LAMA4: variants seen among roughly 807,000 people sequenced by gnomAD.
LAMA4 encodes the protein laminin subunit alpha 4.
A neutral mutation model predicts 207.1 loss-of-function variants in LAMA4; 127 were observed. The ratio of observed to expected loss-of-function variants is 0.61; its 90% CI spans 0.53 to 0.71. The LOEUF (loss-of-function observed/expected upper bound fraction) is 0.71, where lower values mean the gene tolerates loss of function less well. LAMA4 is among the 30% of genes least tolerant of loss of function. The probability of loss-of-function intolerance (pLI) is 0.00; values close to 1 mark genes in which losing one functional copy is unlikely to be tolerated. For missense variants in LAMA4, 2,093 were observed against 2,246.5 expected, an observed-to-expected ratio of 0.93 and a Z score of 1.38; for synonymous variants, 761 against 816.0, an observed-to-expected ratio of 0.93 and a Z score of 1.15.
At chr6:112,218,593 C>T (rs1316030590) in intron 2 of LAMA4, 3 of 152,212 alleles carry the variant, frequency 2.0e-5, no homozygotes, top group African/African-American at 7.2e-5. Context: ...TCTTTGTCAA[C>T]AGTCCAGCAG....
chr6:112,110,961 T>C (rs1777655511), intron 38 of LAMA4, among the ~76,000 whole-genome samples: 1 of 152,254 alleles, frequency 6.6e-6, no homozygotes, highest in African/African-American at 2.4e-5. Context: ...CTTGACTATA[T>C]ACAAATAATG....
intron 27 of LAMA4, 45 bp downstream of exon 27, chr6:112,133,304 T>G: frequency 7.5e-6 from 12 of 1,603,982 alleles, no homozygotes; most frequent in Non-Finnish European, 1.0e-5. Flanking sequence ...TTGAGAGTGA[T>G]AAGTATTGTG....
chr6:112,177,345 G>A (rs1300519407), intron 10 of LAMA4, among the ~76,000 whole-genome samples: 1 of 152,026 alleles, frequency 6.6e-6, no homozygotes, highest in Non-Finnish European at 1.5e-5. Context: ...CTGTGCCCTG[G>A]GATGCACTTG....
chr6:112,116,007 C>T lies in LAMA4; in HGVS notation c.4982-14G>A, dbSNP rs1554323677. ...TGAAAGATTCATCTGTGGAGAGAAA[C>T]ACTATAAACTCCCAAGAACAGCAAG... is the stretch of plus-strand genomic sequence containing the variant. On this transcript the variant is annotated splice_polypyrimidine_tract_variant and intron_variant, in intron 35 of 38. Transcript: ENST00000230538. 1.2e-6 allele frequency: 2 copies of T among 1,609,844 alleles called. No individual in the cohort carries two copies. Among genetic ancestry groups the T allele is most frequent in the Non-Finnish European group, 8.5e-7 (1 of 1,176,890 alleles).
At chr6:112,200,080 A>G (rs1357645593) in intron 5 of LAMA4, 1 of 530,748 alleles carries the variant, frequency 1.9e-6, no homozygotes, top group Non-Finnish European at 3.9e-6. Flanking sequence ...AAGCCATTTT[A>G]TCTTACAACA....
chr6:112,165,010 G>A (rs530390936), intron 13 of LAMA4, 150 bp downstream of exon 13: 43 of 699,030 alleles, frequency 6.2e-5, no homozygotes, highest in East Asian at 2.1e-4. Flanking sequence ...GGTGGTCATC[G>A]TACAGTGCAA....
In LAMA4 at chr6:112,111,996, G is replaced by A. The variant is rs587764298; in HGVS notation, c.5326+2080C>T. Among the ~76,000 whole-genome samples, 3 of 152,292 alleles carry A rather than the reference G, an allele frequency of 2.0e-5. No individual in the cohort carries two copies. In the South Asian group the frequency reaches 6.2e-4, roughly 32 times the overall value. On this transcript the variant is annotated intron_variant, in intron 38 of 38. Transcript: ENST00000230538. ...AATACTCCAACTTCCATGAGGGAGG[G>A]CCATGCTTGTTTTGTCCACCTCCCA...
intron 2 of LAMA4, among the ~76,000 whole-genome samples, chr6:112,240,654 C>G (rs912751447): frequency 2.1e-4 from 32 of 152,182 alleles, no homozygotes; most frequent in Admixed American, 4.6e-4. Context: ...ATGCGACATT[C>G]ATCTTTCTGT....
At chr6:112,155,455 C>T in intron 15 of LAMA4, 110 bp downstream of exon 15, 1 of 1,244,444 alleles carries the variant, frequency 8.0e-7, no homozygotes, top group Non-Finnish European at 1.2e-6. Context: ...CCTGCCTTTT[C>T]CACTCTTTCT....
chr6:112,224,554 G>A (rs965389106), intron 2 of LAMA4, among the ~76,000 whole-genome samples: 9 of 152,146 alleles, frequency 5.9e-5, no homozygotes, highest in African/African-American at 2.2e-4. Context: ...GGTGGCTCAC[G>A]CCTGTAATCC....
chr6:112,150,520 C>A lies in LAMA4; in HGVS notation c.2164G>T (p.Ala722Ser). Residue 722 changes from alanine (A) to serine (S), a missense_variant, in exon 17 of 39, where the codon GCA (alanine) becomes TCA (serine). Around this residue, in one of 3 missense-constraint regions of LAMA4, gnomAD observed 1,704 missense variants for 1,788.4 expected, o/e 0.95. Transcript: ENST00000230538. Reference sequence around the variant, plus strand: ...TCTCTCTGATGCTTACCTCTCTCTGCTGCTTGTAGTTGCTTAACGGCATCA... The same window carrying A: ...TCTCTCTGATGCTTACCTCTCTCTGATGCTTGTAGTTGCTTAACGGCATCA... ...LSDAVKQLQA[A>S]ERGDAQQRLG... is the part of the protein sequence containing the mutation. 6.2e-7 allele frequency: 1 copy of A among 1,604,570 alleles called. No individual in the cohort carries two copies. The highest frequency in any genetic ancestry group is 1.1e-5 in the South Asian group (1 of 90,908).
At chr6:112,247,365 G>GA in intron 2 of LAMA4, among the ~76,000 whole-genome samples, 1 of 152,264 alleles carries the variant, frequency 6.6e-6, no homozygotes, top group Non-Finnish European at 1.5e-5. Flanking sequence ...AACGAAAGGT[G>GA]AACTTCAAAA....
chr6:112,210,018 CCT>C (rs142361813), intron 3 of LAMA4, among the ~76,000 whole-genome samples: 14 of 148,626 alleles, frequency 9.4e-5, no homozygotes, highest in Non-Finnish European at 9.0e-5. Context: ...TTGTGCTCTC[CCT>C]CTCTCTCTCT....
At chr6:112,223,113 C>A (rs1325929979) in intron 2 of LAMA4, among the ~76,000 whole-genome samples, 2 of 152,156 alleles carry the variant, frequency 1.3e-5, no homozygotes, top group Non-Finnish European at 2.9e-5. Flanking sequence ...CCTCCTGTAA[C>A]TGGCTTGTTC....
chr6:112,129,234 T>G (rs1216463603), intron 30 of LAMA4, among the ~76,000 whole-genome samples, 159 bp from the exon 31 acceptor site: 1 of 152,054 alleles, frequency 6.6e-6, no homozygotes, highest in Admixed American at 6.6e-5. Flanking sequence ...CATCAACCAC[T>G]CTTAACCAGA....
chr6:112,139,093 A>G (rs542651772), intron 24 of LAMA4, 27 bp downstream of exon 24: 6 of 1,606,576 alleles, frequency 3.7e-6, no homozygotes, highest in South Asian at 2.2e-5. Flanking sequence ...ATAAAGGAGA[A>G]GTAGTAGGAC....
At position 112,128,987 on chromosome 6, in the gene LAMA4, G is replaced by A. The variant is rs529344344; in HGVS notation, c.4222C>T (p.Pro1408Ser). 1.9e-6 allele frequency: 3 copies of A among 1,612,838 alleles called. No individual in the cohort carries two copies. The highest frequency in any genetic ancestry group is 3.3e-5 in the Admixed American group (2 of 59,984). Reference protein sequence around the residue: ...SLYECPIESSPLFLLHKKGKN... With the variant: ...SLYECPIESSSLFLLHKKGKN... The stretch of plus-strand genomic sequence containing the variant: ...CCTTTTTTATGGAGGAGAAACAATG[G>A]TGAAGACTCAATGGGACACTCATAA... The change falls in exon 31 of 39, where the codon CCA becomes TCA. Residue 1408 changes from proline (P) to serine (S), a missense_variant. Transcript: ENST00000230538.
intron 35 of LAMA4, among the ~76,000 whole-genome samples, chr6:112,116,438 G>A (rs1778023393): frequency 6.6e-6 from 1 of 152,192 alleles, no homozygotes; most frequent in Admixed American, 6.5e-5. Context: ...GTGAGTGGGA[G>A]CCACACTGGG....
chr6:112,187,141 C>T (rs143348981), intron 8 of LAMA4, among the ~76,000 whole-genome samples: 90 of 152,310 alleles, frequency 5.9e-4, no homozygotes, highest in Middle Eastern at 3.4e-3. Flanking sequence ...TGTATGGCTG[C>T]GCCAAGGAAA....
Sources: allele counts gnomAD v4.1 joint callset (sites outside exome capture counted in the v4.1 genomes callset), GRCh38; gene constraint gnomAD v4.1.1; regional missense constraint gnomAD v4.1.1; transcripts MANE v1.5; gene names NCBI Gene and HGNC (gene_info 2026-07-23, HGNC 2026-07-21).